EYS: variants seen among roughly 807,000 people sequenced by gnomAD.
The protein encoded by EYS is protein eyes shut homolog.
In EYS, 250 loss-of-function variants were observed where a neutral mutation model predicts 282.1. That is an observed-to-expected ratio of 0.89 (90% confidence interval 0.80 to 0.98). The LOEUF (loss-of-function observed/expected upper bound fraction) is 0.98. Ranked by LOEUF, EYS falls within the 50% of genes least tolerant of loss-of-function variation. The pLI, the probability that EYS is intolerant of heterozygous loss-of-function variation, is 0.00. For synonymous variants in EYS, 1,355 were observed against 1,282.9 expected, an observed-to-expected ratio of 1.06 and a Z score of -1.20; for missense variants, 4,016 against 3,709.0, an observed-to-expected ratio of 1.08 and a Z score of -2.15.
intron 2 of EYS, among the ~76,000 whole-genome samples, chr6:65,543,419 T>C (rs1429705195): frequency 6.7e-6 from 1 of 148,168 alleles, no homozygotes; most frequent in Non-Finnish European, 1.5e-5. Flanking sequence ...TATAAATGTA[T>C]ATTATGTATA....
rs138431817 is a variant in EYS, at chr6:64,570,440, C to T, written c.5644+19783G>A. On this transcript the variant is annotated intron_variant, in intron 26 of 42. Transcript: ENST00000503581. ...ATGACAGGATCAAATTCACACATAA[C>T]AATATTAACCTTAAATGTAAATGGG... is the stretch of plus-strand genomic sequence containing the variant. Among the ~76,000 whole-genome samples the T allele has an allele frequency of 3.9e-5, 6 of 152,180 alleles. No homozygotes were observed. In the East Asian group the frequency reaches 1.2e-3, roughly 29 times the overall value.
At chr6:65,152,084 CATA>C (rs1183225111) in intron 12 of EYS, among the ~76,000 whole-genome samples, 1 of 151,976 alleles carries the variant, frequency 6.6e-6, no homozygotes, top group Non-Finnish European at 1.5e-5. Flanking sequence ...CACGAACCAG[CATA>C]ATATTTCCTA....
chr6:65,465,494 A>C (rs1432492960), intron 5 of EYS, among the ~76,000 whole-genome samples: 2 of 152,064 alleles, frequency 1.3e-5, no homozygotes, highest in Non-Finnish European at 2.9e-5. Context: ...CAAACAAACA[A>C]ACACCAACCA....
At chr6:65,469,944 C>T (rs1253961742) in intron 5 of EYS, among the ~76,000 whole-genome samples, 1 of 152,134 alleles carries the variant, frequency 6.6e-6, no homozygotes, top group Non-Finnish European at 1.5e-5. Flanking sequence ...CCCAAGCTTC[C>T]TCCACATGGC....
rs1417533728 is a variant in EYS at position 64,476,556 on chromosome 6, G to C, written c.5645-37204C>G. ...AAATATTTTTTTTCTTTTTCAAAAA[G>C]CCTCTATTAATTGAAAAAAGGTGAT... On this transcript the variant is annotated intron_variant, in intron 26 of 42. Coordinates refer to ENST00000503581, the MANE Select transcript of EYS (RefSeq NM_001142800.2). Among the ~76,000 whole-genome samples the C allele has an allele frequency of 2.0e-5, 3 of 151,932 alleles. No homozygotes were observed. In the South Asian group the frequency reaches 6.2e-4, roughly 32 times the overall value.
rs903906505 is a variant in EYS, at chr6:65,350,749, T to A, written c.1459+2709A>T. ...GATGACATTGAAAAGAAACAGTGCA[T>A]GTCAGCTCTTTCTCAAGATGTGCAC... On this transcript the variant is annotated intron_variant, in intron 9 of 42. Coordinates refer to ENST00000503581, the MANE Select transcript of EYS (RefSeq NM_001142800.2). 2.7e-4 allele frequency among the ~76,000 whole-genome samples: 41 copies of A among 151,660 alleles called. 1 individual carries two copies. Among genetic ancestry groups the A allele is most frequent in the Admixed American group, 2.4e-3 (37 of 15,158 alleles).
chr6:64,860,473 G>A (rs1010072635), intron 19 of EYS, among the ~76,000 whole-genome samples: 3 of 152,248 alleles, frequency 2.0e-5, no homozygotes, highest in African/African-American at 7.2e-5. Context: ...ACTGGTGTCA[G>A]CTCCCTGTGT....
At chr6:65,602,855 G>A (rs1191443024) in intron 2 of EYS, among the ~76,000 whole-genome samples, 2 of 151,894 alleles carry the variant, frequency 1.3e-5, no homozygotes, top group Non-Finnish European at 2.9e-5. Context: ...ACACTTTTAA[G>A]TTTGCCTAAG....
chr6:65,401,390 G>A, intron 7 of EYS, among the ~76,000 whole-genome samples: 1 of 147,988 alleles, frequency 6.8e-6, no homozygotes, highest in Non-Finnish European at 1.5e-5. Flanking sequence ...GGGAGGAGAT[G>A]TATTTGTTTT....
At chr6:63,972,250 T>C (rs553860059) in intron 35 of EYS, among the ~76,000 whole-genome samples, 250 of 152,332 alleles carry the variant, frequency 1.6e-3, no homozygotes, top group Non-Finnish European at 2.7e-3. Flanking sequence ...GAATTTGTCT[T>C]AGAGAAATTT....
chr6:65,454,035 T>A (rs938828038), intron 5 of EYS, among the ~76,000 whole-genome samples: 1 of 124,254 alleles, frequency 8.0e-6, no homozygotes, highest in Non-Finnish European at 1.8e-5. Flanking sequence ...TTTCTTTGGA[T>A]ACATAACCAC....
chr6:65,654,166 C>A (rs975141705), intron 1 of EYS, among the ~76,000 whole-genome samples: 1 of 151,912 alleles, frequency 6.6e-6, no homozygotes, highest in East Asian at 1.9e-4. Flanking sequence ...TTTATTAGTT[C>A]TCAAAACAAT....
chr6:65,558,372 T>G (rs75698383), intron 2 of EYS, among the ~76,000 whole-genome samples: 1,623 of 152,290 alleles, frequency 0.011, 38 homozygotes, highest in African/African-American at 0.037. Flanking sequence ...GGCCACAACT[T>G]TGCTCTGCAC....
chr6:63,792,393 G>C (rs990153089), intron 37 of EYS, among the ~76,000 whole-genome samples: 8 of 151,932 alleles, frequency 5.3e-5, no homozygotes, highest in African/African-American at 1.9e-4. Flanking sequence ...TGTCACAGCC[G>C]GTACCTAGAA....
chr6:65,057,541 G>A (rs1773452190), intron 13 of EYS, 73 bp downstream of exon 13: 6 of 913,538 alleles, frequency 6.6e-6, no homozygotes, highest in East Asian at 5.3e-5. Context: ...ACTGAAATGA[G>A]TTCAGACAAG....
At chr6:65,286,140 T>G (rs1322329401) in intron 12 of EYS, among the ~76,000 whole-genome samples, 4 of 151,942 alleles carry the variant, frequency 2.6e-5, no homozygotes, top group Non-Finnish European at 4.4e-5. Context: ...TTTTCATACT[T>G]AGACCTGTTC....
At chr6:64,126,765 T>G (rs2150278476) in intron 31 of EYS, among the ~76,000 whole-genome samples, 1 of 152,134 alleles carries the variant, frequency 6.6e-6, no homozygotes, top group Non-Finnish European at 1.5e-5. Flanking sequence ...CAGAAACAAC[T>G]GATGGTAATA....
chr6:64,095,696 G>T (rs1215614385), intron 31 of EYS, among the ~76,000 whole-genome samples: 1 of 152,120 alleles, frequency 6.6e-6, no homozygotes, highest in Non-Finnish European at 1.5e-5. Context: ...GATGGGTCTT[G>T]ACTCTTTATC....
chr6:64,638,412 T>C (rs1478838429), intron 22 of EYS, among the ~76,000 whole-genome samples: 2 of 92,172 alleles, frequency 2.2e-5, no homozygotes, highest in African/African-American at 8.2e-5. Context: ...ATTAATAAAT[T>C]AAATGATTAT....
Sources: allele counts gnomAD v4.1 joint callset (sites outside exome capture counted in the v4.1 genomes callset), GRCh38; gene constraint gnomAD v4.1.1; transcripts MANE v1.5; gene names NCBI Gene and HGNC (gene_info 2026-07-23, HGNC 2026-07-21).